The following MYH15 variants were observed in gnomAD, a reference collection of about 807,000 sequenced individuals.
The protein encoded by MYH15 is myosin heavy chain 15.
A neutral mutation model predicts 240.5 loss-of-function variants in MYH15; 227 were observed. The ratio of observed to expected loss-of-function variants is 0.94; its 90% CI spans 0.85 to 1.05. MYH15 has a LOEUF of 1.05. MYH15 is among the 50% of genes least tolerant of loss of function. MYH15 has a pLI of 0.00. For synonymous variants in MYH15, 785 were observed against 796.7 expected, an observed-to-expected ratio of 0.99 and a Z score of 0.25; for missense variants, 2,217 against 2,247.5, an observed-to-expected ratio of 0.99 and a Z score of 0.27.
chr3:108,493,105 A>G lies in MYH15; in HGVS notation c.775+9T>C. 6.2e-7 allele frequency: 1 copy of G among 1,612,900 alleles called. No individual in the cohort carries two copies. Among genetic ancestry groups the G allele is most frequent in the Non-Finnish European group, 8.5e-7 (1 of 1,178,878 alleles). The stretch of plus-strand genomic sequence containing the variant: ...AAAAAAGTAATCAGACAGTGCAATG[A>G]CTACTTACAGATATCAATGTCCACA... On this transcript the variant is annotated intron_variant, in intron 8 of 40. Coordinates refer to ENST00000693548, the MANE Select transcript of MYH15 (RefSeq NM_014981.3).
At chr3:108,450,675 C>T (rs1415887921) in intron 21 of MYH15, among the ~76,000 whole-genome samples, 1 of 152,152 alleles carries the variant, frequency 6.6e-6, no homozygotes, top group Non-Finnish European at 1.5e-5. Flanking sequence ...TGGAAATTTG[C>T]TTAGAGAGTA....
At position 108,490,556 on chromosome 3, in the gene MYH15, T is replaced by C. The variant is rs117085256; in HGVS notation, c.871+1944A>G. Among the ~76,000 whole-genome samples, 63 of 152,364 alleles carry C rather than the reference T, an allele frequency of 4.1e-4. No individual in the cohort carries two copies. The East Asian group carries it at 0.012, about 28-fold the overall frequency. On this transcript the variant is annotated intron_variant, in intron 9 of 40. Transcript: ENST00000693548. ...TGCACTGCATGGTCTGGCCCCTGCC[T>C]ATTTTACCCTACGTTACCCTCTCTA...
intron 11 of MYH15, among the ~76,000 whole-genome samples, chr3:108,484,044 G>A (rs1396655685): frequency 6.6e-6 from 1 of 152,100 alleles, no homozygotes; most frequent in Non-Finnish European, 1.5e-5. Context: ...TCATGCCACT[G>A]AACTGTACAC....
chr3:108,423,938 A>C (rs999054674), intron 27 of MYH15, among the ~76,000 whole-genome samples: 1 of 152,240 alleles, frequency 6.6e-6, no homozygotes, highest in African/African-American at 2.4e-5. Context: ...AAAATGGATA[A>C]AAATAGGATG....
chr3:108,394,527 G>A (rs1374973770), intron 35 of MYH15, among the ~76,000 whole-genome samples: 1 of 152,206 alleles, frequency 6.6e-6, no homozygotes. Context: ...GGGGTCAGTT[G>A]CAGACATCTG....
At chr3:108,522,720 T>C (rs2083630064) in intron 1 of MYH15, among the ~76,000 whole-genome samples, 1 of 152,076 alleles carries the variant, frequency 6.6e-6, no homozygotes. Context: ...AAAGAGGAAA[T>C]GTTTTATAGC....
intron 5 of MYH15, among the ~76,000 whole-genome samples, chr3:108,499,012 C>T (rs2083415471): frequency 6.6e-6 from 1 of 152,192 alleles, no homozygotes; most frequent in African/African-American, 2.4e-5. Flanking sequence ...CTAAATGTCA[C>T]CATCTTTTAG....
intron 11 of MYH15, among the ~76,000 whole-genome samples, chr3:108,482,025 C>G (rs974351632): frequency 6.6e-6 from 1 of 151,870 alleles, no homozygotes; most frequent in Non-Finnish European, 1.5e-5. Flanking sequence ...AGCAGGGAGA[C>G]CAGGAAGGAG....
At chr3:108,473,656 T>A (rs1175541252) in intron 12 of MYH15, among the ~76,000 whole-genome samples, 1 of 152,228 alleles carries the variant, frequency 6.6e-6, no homozygotes, top group South Asian at 2.1e-4. Context: ...ACTTAGTACA[T>A]CACCTATAGT....
Position 108,441,198 on chromosome 3 carries a change from CT to C in MYH15, c.2717del (p.Gln906ArgfsTer6). ...ACAGCTCCTTTACTCTGGCCTCCAG[CT>C]GGATCTTGGATTTAATCAGCCACTC... is the stretch of plus-strand genomic sequence containing the variant. ...QCEWLIKSKI[Q>X]LEARVKELSE... On this transcript the variant is annotated frameshift_variant, in exon 23 of 41. Transcript: ENST00000693548. LOFTEE classifies it high-confidence loss of function. The C allele has an allele frequency of 6.2e-7, 1 of 1,614,116 alleles. No homozygotes were observed. Among genetic ancestry groups the C allele is most frequent in the Non-Finnish European group, 8.5e-7 (1 of 1,179,986 alleles).
chr3:108,504,579 T>C (rs1292855271), intron 2 of MYH15, among the ~76,000 whole-genome samples: 1 of 152,172 alleles, frequency 6.6e-6, no homozygotes, highest in East Asian at 1.9e-4. Flanking sequence ...TTACAGGATG[T>C]GGCTTGTTAT....
chr3:108,416,970 C>A (rs1419011099), intron 28 of MYH15, 40 bp from the exon 29 acceptor site: 3 of 1,462,480 alleles, frequency 2.1e-6, no homozygotes, highest in Non-Finnish European at 2.9e-6. Flanking sequence ...TTACAGTCTT[C>A]CTATCTATTG....
intron 1 of MYH15, among the ~76,000 whole-genome samples, chr3:108,524,388 C>A (rs1410937184): frequency 6.6e-6 from 1 of 151,876 alleles, no homozygotes; most frequent in Non-Finnish European, 1.5e-5. Context: ...ATCTTGTCTA[C>A]TTTTCTATGG....
intron 36 of MYH15, 74 bp downstream of exon 36, chr3:108,393,957 T>C: frequency 6.3e-7 from 1 of 1,596,220 alleles, no homozygotes; most frequent in South Asian, 1.1e-5. Flanking sequence ...TGGCTGCAGA[T>C]GTGGCCCTGC....
At chr3:108,465,840 T>C (rs1191494976) in intron 14 of MYH15, among the ~76,000 whole-genome samples, 1 of 152,094 alleles carries the variant, frequency 6.6e-6, no homozygotes, top group Non-Finnish European at 1.5e-5. Flanking sequence ...GGCAGGAGAA[T>C]CGCTTGAATC....
At chr3:108,494,736 C>G (rs767156383) in intron 7 of MYH15, among the ~76,000 whole-genome samples, 1 of 152,156 alleles carries the variant, frequency 6.6e-6, no homozygotes, top group African/African-American at 2.4e-5. Flanking sequence ...TCAAGTGATC[C>G]GCCCACTTCA....
chr3:108,530,699 A>AT (rs1436730233), upstream of MYH15, among the ~76,000 whole-genome samples: 1 of 152,160 alleles, frequency 6.6e-6, no homozygotes, highest in Non-Finnish European at 1.5e-5. Context: ...AAATCTCTGT[A>AT]TTTTCCTCTC....
At chr3:108,537,650 ACTT>A in the MYH15 span, among the ~76,000 whole-genome samples, 2 of 152,118 alleles carry the variant, frequency 1.3e-5, no homozygotes, top group African/African-American at 4.8e-5. Flanking sequence ...TTGATCATGG[ACTT>A]CCCAGATTCC....
intron 1 of MYH15, among the ~76,000 whole-genome samples, chr3:108,519,265 G>A (rs751551067): frequency 6.6e-6 from 1 of 152,050 alleles, no homozygotes; most frequent in African/African-American, 2.4e-5. Context: ...AAATCAACTG[G>A]TATACCATAT....
Sources: allele counts gnomAD v4.1 joint callset (sites outside exome capture counted in the v4.1 genomes callset), GRCh38; gene constraint gnomAD v4.1.1; transcripts MANE v1.5; gene names NCBI Gene and HGNC (gene_info 2026-07-23, HGNC 2026-07-21).